PARD3B: variants seen among roughly 807,000 people sequenced by gnomAD.
PARD3B encodes partitioning defective 3 homolog B.
Under a neutral mutation model 130.2 loss-of-function variants are expected in PARD3B, and 103 were observed. That is an observed-to-expected ratio of 0.79 (90% CI 0.67 to 0.93). The LOEUF (loss-of-function observed/expected upper bound fraction) is 0.93, where lower values mean the gene tolerates loss of function less well. PARD3B is among the 40% of genes least tolerant of loss of function. The pLI, the probability that PARD3B is intolerant of heterozygous loss-of-function variation, is 0.00. For missense variants in PARD3B, 1,609 were observed against 1,499.2 expected (o/e 1.07, Z -1.21); for synonymous variants, 583 against 553.2 (o/e 1.05, Z -0.76).
intron 15 of PARD3B, among the ~76,000 whole-genome samples, chr2:205,221,193 C>A (rs1200723987): frequency 6.6e-6 from 1 of 152,132 alleles, no homozygotes; most frequent in Non-Finnish European, 1.5e-5. Flanking sequence ...CTGGAGGTAG[C>A]TTTGGCCAGG....
chr2:205,194,950 A>ATTTTTTT (rs56836818), intron 15 of PARD3B, among the ~76,000 whole-genome samples: 7 of 111,220 alleles, frequency 6.3e-5, no homozygotes, highest in African/African-American at 1.1e-4. Context: ...CGCCAGGCTA[A>ATTTTTTT]TTTTTTTTTT....
rs1163905417 is a variant in PARD3B at position 205,047,665 on chromosome 2, G to A, written c.479G>A (p.Gly160Asp). The A allele has an allele frequency of 6.5e-7, 1 of 1,550,036 alleles. No individual in the cohort carries two copies. Among genetic ancestry groups the A allele is most frequent in the Non-Finnish European group, 8.7e-7 (1 of 1,145,896 alleles). The change falls in exon 4 of 23, where the codon GGC (glycine) becomes GAC (aspartate). Residue 160 changes from glycine to aspartate, a missense_variant. Coordinates refer to ENST00000406610, the MANE Select transcript of PARD3B (RefSeq NM_001302769.2). ...CAGCCAAGCGCTTCACACCCTGGTG[G>A]CCAGAGTCTGAAACTGGTTGTTCCA... is the stretch of plus-strand genomic sequence containing the variant. ...DTQPSASHPG[G>D]QSLKLVVPDS... is the part of the protein sequence containing the mutation.
intron 2 of PARD3B, among the ~76,000 whole-genome samples, chr2:204,760,400 T>C (rs2040848308): frequency 1.3e-5 from 2 of 152,092 alleles, no homozygotes; most frequent in Admixed American, 1.3e-4. Flanking sequence ...ACATATGTAG[T>C]ATAATATTTC....
chr2:205,175,218 T>C (rs556197762), intron 12 of PARD3B, among the ~76,000 whole-genome samples: 1 of 152,300 alleles, frequency 6.6e-6, no homozygotes, highest in African/African-American at 2.4e-5. Context: ...TTTTTTGTTC[T>C]TGTTGTTATT....
intron 1 of PARD3B, among the ~76,000 whole-genome samples, chr2:204,640,741 A>G (rs937861961): frequency 4.0e-4 from 61 of 151,792 alleles, no homozygotes; most frequent in African/African-American, 1.5e-3. Context: ...TCTCTCATTT[A>G]GAGAAATGTG....
chr2:204,620,668 A>AT (rs1243458162), intron 1 of PARD3B, among the ~76,000 whole-genome samples: 5 of 152,194 alleles, frequency 3.3e-5, no homozygotes, highest in African/African-American at 1.2e-4. Flanking sequence ...TAGGTTAACA[A>AT]TAAAAAGCAT....
rs1393189006 is a variant in PARD3B, at chr2:205,280,526, C to T, written c.2186-20004C>T. ...TATTGAAAACCTTTTCTGTTTCCTT[C>T]TCTTTTTTCTTAAGGGAGGGCTTTG... On this transcript the variant is annotated intron_variant, in intron 16 of 22. Coordinates refer to ENST00000406610, the MANE Select transcript of PARD3B (RefSeq NM_001302769.2). This position sits in a 1 kb window ranked among gnomAD's most constrained non-coding sequence, Gnocchi z 4.7. Among the ~76,000 whole-genome samples the T allele has an allele frequency of 6.6e-6, 1 of 152,178 alleles. No individual in the cohort carries two copies. The highest frequency in any genetic ancestry group is 1.5e-5 in the Non-Finnish European group (1 of 68,026).
intron 2 of PARD3B, among the ~76,000 whole-genome samples, chr2:204,945,208 A>T (rs1205663754): frequency 6.6e-6 from 1 of 152,216 alleles, no homozygotes; most frequent in East Asian, 1.9e-4. Context: ...GGAGACAGGA[A>T]GAATCTTCAA....
At chr2:204,588,135 C>A (rs547146945) in intron 1 of PARD3B, among the ~76,000 whole-genome samples, 1 of 152,212 alleles carries the variant, frequency 6.6e-6, no homozygotes, top group East Asian at 1.9e-4. Context: ...GTCATGGTAT[C>A]TGACTTTAGA....
At chr2:205,302,696 G>A (rs1559640524) in intron 18 of PARD3B, among the ~76,000 whole-genome samples, 1 of 152,134 alleles carries the variant, frequency 6.6e-6, no homozygotes, top group South Asian at 2.1e-4. Context: ...GTGTGCAGTG[G>A]CCGGGCCTCT....
intron 22 of PARD3B, among the ~76,000 whole-genome samples, chr2:205,599,578 G>T (rs974194302): frequency 6.6e-6 from 1 of 152,180 alleles, no homozygotes; most frequent in African/African-American, 2.4e-5. Flanking sequence ...GTGTCAGAGG[G>T]CAAGGGAAAA....
intron 2 of PARD3B, among the ~76,000 whole-genome samples, chr2:204,886,462 G>A (rs930947857): frequency 5.3e-5 from 8 of 152,146 alleles, no homozygotes; most frequent in African/African-American, 1.9e-4. Context: ...AGTGTTGCCT[G>A]CCAGCGCATT....
At chr2:205,456,205 T>C (rs1290110609) in intron 20 of PARD3B, among the ~76,000 whole-genome samples, 1 of 152,114 alleles carries the variant, frequency 6.6e-6, no homozygotes, top group Non-Finnish European at 1.5e-5. Flanking sequence ...ACCCATGGTA[T>C]GGATGTACCA....
rs571638712 is a variant in PARD3B, at chr2:205,467,279, A to G, written c.3044+26607A>G. ...GCTTGGTTTGCAGATCTGTGTGTTT[A>G]TTAATTCTGTGAAATGCCATTGAAT... On this transcript the variant is annotated intron_variant, in intron 20 of 22. Transcript: ENST00000406610. Among the ~76,000 whole-genome samples, 4 of 152,316 alleles carry G rather than the reference A, an allele frequency of 2.6e-5. No homozygotes were observed. The South Asian group carries it at 8.3e-4, about 32-fold the overall frequency.
intron 21 of PARD3B, among the ~76,000 whole-genome samples, chr2:205,532,236 G>A (rs1035219282): frequency 2.0e-5 from 3 of 152,122 alleles, no homozygotes; most frequent in Non-Finnish European, 2.9e-5. Flanking sequence ...ATTGTTTCTG[G>A]TCATGATGAG....
chr2:204,926,026 T>C (rs892519057), intron 2 of PARD3B, among the ~76,000 whole-genome samples: 2 of 152,088 alleles, frequency 1.3e-5, no homozygotes, highest in Admixed American at 1.3e-4. Flanking sequence ...CAATTAAACC[T>C]CTTTCCTTTA....
chr2:205,010,224 A>T (rs1175410066), intron 3 of PARD3B, among the ~76,000 whole-genome samples: 1 of 152,184 alleles, frequency 6.6e-6, no homozygotes, highest in Admixed American at 6.5e-5. Context: ...ATTAATACAA[A>T]TGTTTAATTT....
At chr2:205,216,641 C>T (rs1206251625) in intron 15 of PARD3B, among the ~76,000 whole-genome samples, 1 of 152,082 alleles carries the variant, frequency 6.6e-6, no homozygotes, top group Non-Finnish European at 1.5e-5. Context: ...TTAATGCTTA[C>T]TTCGTATCAT....
intron 22 of PARD3B, among the ~76,000 whole-genome samples, chr2:205,607,828 C>CCACACACACACACA (rs1167206437): frequency 1.6e-5 from 1 of 64,044 alleles, no homozygotes; most frequent in African/African-American, 8.3e-5. Context: ...CCCCCAACAC[C>CCACACACACACACA]CATACACACA....
Sources: gnomAD v4.1 joint callset for allele counts (sites outside exome capture counted in the v4.1 genomes callset) on GRCh38, gnomAD v4.1.1 for gene constraint, Gnocchi (gnomAD v3.1) non-coding constraint, MANE v1.5 for transcripts, NCBI Gene and HGNC (gene_info 2026-07-23, HGNC 2026-07-21) for gene names.